CFAP20DC: variants seen among roughly 807,000 people sequenced by gnomAD.
CFAP20DC encodes protein CFAP20DC.
Under a neutral mutation model 101.7 loss-of-function variants are expected in CFAP20DC, and 84 were observed. That is an observed-to-expected ratio of 0.83 (90% confidence interval 0.69 to 0.99). CFAP20DC has a LOEUF of 0.99. CFAP20DC is among the 50% of genes least tolerant of loss of function. The probability of loss-of-function intolerance (pLI) is 0.00; values close to 1 mark genes in which losing one functional copy is unlikely to be tolerated. For synonymous variants in CFAP20DC, 359 were observed against 351.2 expected (o/e 1.02, Z -0.25); for missense variants, 1,007 against 970.3 (o/e 1.04, Z -0.50).
At position 58,863,122 on chromosome 3, in the gene CFAP20DC, G is replaced by A. The variant is rs2079389210; in HGVS notation, c.1593+436C>T. The A allele has an allele frequency of 1.9e-6, 2 of 1,041,172 alleles. No individual in the cohort carries two copies. Among genetic ancestry groups the A allele is most frequent in the Non-Finnish European group, 2.3e-6 (2 of 867,028 alleles). 64.5% of individuals were successfully genotyped at this position (1,041,172 alleles called of 1,614,324 possible). A position where few individuals can be genotyped will look rare whatever the true frequency, so the allele number is the denominator to read the frequency against. On this transcript the variant is annotated intron_variant, in intron 12 of 16. Transcript: ENST00000482387. This position sits in a 1 kb window ranked among gnomAD's most constrained non-coding sequence, Gnocchi z 5.9. ...TATGGAAAATAATGAGTCCTAATAG[G>A]TCTAAGGTGAAAAGATGGCAGGGGA...
At chr3:58,734,411 C>T (rs558947444) in intron 3 of CFAP20DC, 32 of 372,726 alleles carry the variant, frequency 8.6e-5, no homozygotes, top group South Asian at 4.8e-4. Flanking sequence ...TGAAAGTCCT[C>T]GGTCTGACAG....
Position 58,742,549 on chromosome 3 carries a change from C to G in CFAP20DC, c.2356G>C (p.Glu786Gln). 1 of 1,604,418 alleles carries G rather than the reference C, an allele frequency of 6.2e-7. No homozygotes were observed. Among genetic ancestry groups the G allele is most frequent in the South Asian group, 1.1e-5 (1 of 89,086 alleles). ...VQGEEDLSVE[E>Q]DEEVLTLLYD... ...AACAAAGTCAGTACTTCCTCGTCCT[C>G]TTCCACACTGAGGTCTTCTTCACCT... Residue 786 changes from glutamate (E) to glutamine (Q), a missense_variant, in exon 17 of 17, where the codon GAG becomes CAG. Transcript: ENST00000482387.
At chr3:58,936,038 A>G (rs1170353952) in intron 5 of CFAP20DC, among the ~76,000 whole-genome samples, 3 of 152,170 alleles carry the variant, frequency 2.0e-5, no homozygotes, top group Admixed American at 1.3e-4. Flanking sequence ...ACAAAGGGCT[A>G]ATATCCAGAA....
intron 4 of CFAP20DC, among the ~76,000 whole-genome samples, chr3:58,982,390 T>C (rs1183880306): frequency 1.3e-5 from 2 of 152,164 alleles, no homozygotes; most frequent in African/African-American, 2.4e-5. Context: ...GAAATCTTGC[T>C]GTTATAAAGA....
chr3:58,930,145 C>A (rs2086436359), intron 5 of CFAP20DC, among the ~76,000 whole-genome samples: 1 of 152,206 alleles, frequency 6.6e-6, no homozygotes, highest in Admixed American at 6.5e-5. Context: ...GAATGTACCA[C>A]ATTGTATGGA....
At chr3:58,843,212 T>G (rs1298013709) in intron 13 of CFAP20DC, among the ~76,000 whole-genome samples, 1 of 152,078 alleles carries the variant, frequency 6.6e-6, no homozygotes, top group African/African-American at 2.4e-5. Flanking sequence ...ATCAAATGAC[T>G]CTGAGCTACG....
At chr3:58,802,105 T>A (rs998845502) in intron 15 of CFAP20DC, among the ~76,000 whole-genome samples, 2 of 152,198 alleles carry the variant, frequency 1.3e-5, no homozygotes, top group African/African-American at 4.8e-5. Flanking sequence ...TCCATCCCTA[T>A]GAACAGACAA....
rs1576189509 is a variant in CFAP20DC, at chr3:58,894,616, T to G, written c.551-9907A>C. 6.6e-6 allele frequency among the ~76,000 whole-genome samples: 1 copy of G among 152,086 alleles called. No individual in the cohort carries two copies. Among genetic ancestry groups the G allele is most frequent in the Admixed American group, 6.5e-5 (1 of 15,268 alleles). ...TTCATGGGCTGGCACTGTCTGTGGG[T>G]TTTCCAGGCACACAGTGCAAGCTGT... On this transcript the variant is annotated intron_variant, in intron 6 of 16. Transcript: ENST00000482387. This position sits in a 1 kb window ranked among gnomAD's most constrained non-coding sequence, Gnocchi z 4.1.
chr3:59,037,692 A>G (rs564975813), intron 4 of CFAP20DC, among the ~76,000 whole-genome samples: 1 of 151,816 alleles, frequency 6.6e-6, no homozygotes, highest in Admixed American at 6.6e-5. Flanking sequence ...GGGAGTCTAA[A>G]TTAAACCACT....
chr3:58,862,625 T>C (rs868375525), intron 12 of CFAP20DC: 5 of 985,324 alleles, frequency 5.1e-6, no homozygotes, highest in South Asian at 4.7e-5. Flanking sequence ...GTTGGTGCTA[T>C]GGACTTAATC....
chr3:58,987,998 T>G (rs1332645748), intron 4 of CFAP20DC, among the ~76,000 whole-genome samples: 1 of 152,012 alleles, frequency 6.6e-6, no homozygotes, highest in Non-Finnish European at 1.5e-5. Context: ...TGAGGATGAC[T>G]AGAAAAATTA....
chr3:58,787,295 CA>C (rs2072436007), intron 15 of CFAP20DC, among the ~76,000 whole-genome samples: 1 of 128,736 alleles, frequency 7.8e-6, no homozygotes, highest in African/African-American at 3.1e-5. Context: ...ACAATGAGAT[CA>C]CATGGACACA....
Position 58,831,732 on chromosome 3 carries a change from C to T in CFAP20DC, c.2129G>A (p.Ser710Asn). ...SQVDNCNVSI[S>N]TSSDDTTTWN... is the part of the protein sequence containing the mutation. ...GGTGGTTGTGTCGTCACTGCTGGTA[C>T]TTATGCTGACATTACAGTTGTCCAC... Residue 710 changes from serine (S) to asparagine (N), a missense_variant, in exon 14 of 17, where the codon AGT (serine) becomes AAT (asparagine). Transcript: ENST00000482387. 7 of 1,614,064 alleles carry T rather than the reference C, an allele frequency of 4.3e-6. No individual in the cohort carries two copies. The highest frequency in any genetic ancestry group is 5.9e-6 in the Non-Finnish European group (7 of 1,179,974).
At chr3:58,842,613 G>C (rs1312994056) in intron 13 of CFAP20DC, among the ~76,000 whole-genome samples, 1 of 152,236 alleles carries the variant, frequency 6.6e-6, no homozygotes, top group Non-Finnish European at 1.5e-5. Context: ...GCCCAGGCTT[G>C]ATTAGGGAAA....
Position 58,869,907 on chromosome 3 carries a change from C to G in CFAP20DC, c.852+266G>C, listed in dbSNP as rs1450787840. 6.6e-6 allele frequency among the ~76,000 whole-genome samples: 1 copy of G among 152,166 alleles called. No individual in the cohort carries two copies. The highest frequency in any genetic ancestry group is 1.5e-5 in the Non-Finnish European group (1 of 68,022). On this transcript the variant is annotated intron_variant, in intron 8 of 16. Transcript: ENST00000482387. The surrounding 1 kb of genome is among the most constrained non-coding windows in gnomAD (Gnocchi z 4.3). Reference sequence around the variant, plus strand: ...GCAAAATGTGCTCACTTATATTTGCCTTTAAATTTTGTGAACATATTTAAT... The same window carrying G: ...GCAAAATGTGCTCACTTATATTTGCGTTTAAATTTTGTGAACATATTTAAT...
chr3:58,825,156 A>G (rs573030564), intron 14 of CFAP20DC, among the ~76,000 whole-genome samples: 6 of 152,198 alleles, frequency 3.9e-5, no homozygotes, highest in Admixed American at 6.5e-5. Flanking sequence ...TGATGGTTAA[A>G]CTCACATCAA....
chr3:58,750,473 A>T (rs1297126271), intron 16 of CFAP20DC, among the ~76,000 whole-genome samples: 1 of 152,206 alleles, frequency 6.6e-6, no homozygotes, highest in Non-Finnish European at 1.5e-5. Context: ...GAACACAGGA[A>T]GATTAAATAA....
rs9861682 is a variant in CFAP20DC at position 58,939,939 on chromosome 3, G to A, written c.279-2177C>T. ...GTGACATTATGCCCAGCTAATTTTT[G>A]TATTTTTAGTAGAGACAGGGTTTCA... On this transcript the variant is annotated intron_variant, in intron 4 of 16. Coordinates refer to ENST00000482387, the MANE Select transcript of CFAP20DC (RefSeq NM_001394063.1). Among the ~76,000 whole-genome samples the A allele has an allele frequency of 2.3e-3, 343 of 151,954 alleles. 3 individuals carry two copies. The highest frequency in any genetic ancestry group is 8.1e-3 in the African/African-American group (336 of 41,446).
chr3:58,855,928 A>G (rs993845867), intron 12 of CFAP20DC, among the ~76,000 whole-genome samples: 2 of 151,518 alleles, frequency 1.3e-5, no homozygotes, highest in Non-Finnish European at 2.9e-5. Flanking sequence ...TGGCACATGT[A>G]TACATATGTA....
Sources: gnomAD v4.1 joint callset for allele counts (sites outside exome capture counted in the v4.1 genomes callset) on GRCh38, gnomAD v4.1.1 for gene constraint, Gnocchi (gnomAD v3.1) non-coding constraint, MANE v1.5 for transcripts, NCBI Gene and HGNC (gene_info 2026-07-23, HGNC 2026-07-21) for gene names.